NKAIN2: variants seen among roughly 807,000 people sequenced by gnomAD.
NKAIN2 encodes sodium/potassium-transporting ATPase subunit beta-1-interacting protein 2.
Under a neutral mutation model 32.6 loss-of-function variants are expected in NKAIN2, and 14 were observed. That is an observed-to-expected ratio of 0.43 (90% confidence interval 0.28 to 0.67). NKAIN2 has a LOEUF of 0.67. NKAIN2 is among the 30% of genes least tolerant of loss of function. NKAIN2 has a pLI of 0.17. For synonymous variants in NKAIN2, 80 were observed against 87.2 expected, an observed-to-expected ratio of 0.92 and a Z score of 0.46; for missense variants, 198 against 258.3, an observed-to-expected ratio of 0.77 and a Z score of 1.60.
chr6:124,083,977 T>C (rs1489568729), intron 1 of NKAIN2, among the ~76,000 whole-genome samples: 2 of 151,908 alleles, frequency 1.3e-5, no homozygotes, highest in Non-Finnish European at 2.9e-5. Context: ...TTGATCTTGA[T>C]TGTAAGAGAA....
At chr6:123,885,122 T>TA (rs1422494128) in intron 1 of NKAIN2, among the ~76,000 whole-genome samples, 1 of 152,182 alleles carries the variant, frequency 6.6e-6, no homozygotes, top group East Asian at 1.9e-4. Flanking sequence ...TTAATATATT[T>TA]AATCATTTAG....
At chr6:124,464,623 CA>C (rs933749791) in intron 3 of NKAIN2, among the ~76,000 whole-genome samples, 6 of 151,964 alleles carry the variant, frequency 3.9e-5, no homozygotes, top group Non-Finnish European at 5.9e-5. Flanking sequence ...TGTAACAAAG[CA>C]CTTACCATTA....
intron 4 of NKAIN2, among the ~76,000 whole-genome samples, chr6:124,689,191 T>C (rs1295555130): frequency 6.6e-6 from 1 of 151,898 alleles, no homozygotes; most frequent in Non-Finnish European, 1.5e-5. Context: ...TGTAGAGCTA[T>C]GTTATTTTTG....
At chr6:124,032,737 CAATTAAAAA>C (rs1439256932) in intron 1 of NKAIN2, among the ~76,000 whole-genome samples, 2 of 151,432 alleles carry the variant, frequency 1.3e-5, no homozygotes, top group Non-Finnish European at 2.9e-5. Context: ...TATTTTTTTC[CAATTAAAAA>C]AATTAAAAAT....
chr6:124,233,308 A>G (rs1458573334), intron 1 of NKAIN2, among the ~76,000 whole-genome samples: 2 of 152,078 alleles, frequency 1.3e-5, no homozygotes, highest in Non-Finnish European at 2.9e-5. Context: ...ATTCTATCAT[A>G]ACATTTTCTG....
intron 5 of NKAIN2, among the ~76,000 whole-genome samples, chr6:124,806,254 A>C (rs1197523800): frequency 2.6e-5 from 4 of 152,188 alleles, no homozygotes; most frequent in Admixed American, 6.5e-5. Flanking sequence ...ATCGGGTTAC[A>C]CACAAAGGGA....
chr6:124,318,591 T>C (rs1797054461), intron 2 of NKAIN2, among the ~76,000 whole-genome samples: 1 of 152,060 alleles, frequency 6.6e-6, no homozygotes, highest in Non-Finnish European at 1.5e-5. Context: ...CTCTTGCCAT[T>C]TGTTTTCTTT....
chr6:124,465,278 T>C (rs619837), intron 3 of NKAIN2, among the ~76,000 whole-genome samples: 105,414 of 151,980 alleles, frequency 0.69, 36,656 homozygotes, highest in East Asian at 0.78. Context: ...GTGGCACATA[T>C]ACACCATGGA....
At chr6:124,317,735 G>A (rs772356323) in intron 2 of NKAIN2, among the ~76,000 whole-genome samples, 1 of 151,962 alleles carries the variant, frequency 6.6e-6, no homozygotes, top group Non-Finnish European at 1.5e-5. Flanking sequence ...AAATACTAGA[G>A]CAAAATATTC....
chr6:123,899,313 C>G (rs1294603686), intron 1 of NKAIN2, among the ~76,000 whole-genome samples: 1 of 152,000 alleles, frequency 6.6e-6, no homozygotes, highest in Non-Finnish European at 1.5e-5. Context: ...TCCTTCCTTC[C>G]CTCTTTTCTT....
intron 3 of NKAIN2, among the ~76,000 whole-genome samples, chr6:124,439,629 G>GTT (rs149607757): frequency 1.4e-5 from 2 of 144,250 alleles, no homozygotes; most frequent in African/African-American, 2.5e-5. Flanking sequence ...ATTTGTTTCC[G>GTT]TTTTTTTTTT....
intron 1 of NKAIN2, among the ~76,000 whole-genome samples, chr6:123,988,069 C>T (rs1041251564): frequency 2.0e-5 from 3 of 152,102 alleles, no homozygotes; most frequent in Non-Finnish European, 4.4e-5. Context: ...GTTTTATATG[C>T]ATTTCTTTTC....
In NKAIN2 at chr6:123,810,686, T is replaced by A. The variant is rs527768592; in HGVS notation, c.54+6432T>A. Among the ~76,000 whole-genome samples the A allele has an allele frequency of 5.9e-5, 9 of 152,272 alleles. No individual in the cohort carries two copies. In the East Asian group the frequency reaches 1.4e-3, roughly 23 times the overall value. On this transcript the variant is annotated intron_variant, in intron 1 of 6. Coordinates refer to ENST00000368417, the MANE Select transcript of NKAIN2 (RefSeq NM_001040214.3). ...ATCCAGCTCTTTTTAAAACCACTCC[T>A]TGATGAATGGCCAGTGCACAGTATT... is the stretch of plus-strand genomic sequence containing the variant.
intron 1 of NKAIN2, among the ~76,000 whole-genome samples, chr6:124,129,639 CG>C (rs748659523): frequency 6.6e-6 from 1 of 151,458 alleles, no homozygotes; most frequent in Non-Finnish European, 1.5e-5. Context: ...TTTTTTGAGA[CG>C]AAGTTTCCCT....
intron 1 of NKAIN2, among the ~76,000 whole-genome samples, chr6:123,913,720 A>G (rs533539948): frequency 6.6e-6 from 1 of 152,198 alleles, no homozygotes; most frequent in African/African-American, 2.4e-5. Flanking sequence ...CTTTTACCTA[A>G]TTACCAGATT....
intron 3 of NKAIN2, among the ~76,000 whole-genome samples, chr6:124,643,391 G>A (rs1165494633): frequency 6.6e-6 from 1 of 152,084 alleles, no homozygotes; most frequent in African/African-American, 2.4e-5. Flanking sequence ...CCCTGGCTGT[G>A]GGTCTATCTA....
At chr6:124,115,978 T>G (rs1785590954) in intron 1 of NKAIN2, among the ~76,000 whole-genome samples, 1 of 151,980 alleles carries the variant, frequency 6.6e-6, no homozygotes, top group Admixed American at 6.5e-5. Flanking sequence ...AACACATACT[T>G]TTTACTAAAT....
At chr6:124,192,282 A>G (rs930557866) in intron 1 of NKAIN2, among the ~76,000 whole-genome samples, 10 of 152,026 alleles carry the variant, frequency 6.6e-5, no homozygotes, top group African/African-American at 1.9e-4. Context: ...ACTATTTTTG[A>G]TATGTGTGTT....
intron 2 of NKAIN2, among the ~76,000 whole-genome samples, chr6:124,330,097 A>T (rs1797595240): frequency 1.3e-5 from 2 of 152,280 alleles, no homozygotes; most frequent in South Asian, 4.1e-4. Flanking sequence ...TTAGTTATTC[A>T]GCTGTGGCTA....
Sources: allele counts gnomAD v4.1 joint callset (sites outside exome capture counted in the v4.1 genomes callset), GRCh38; gene constraint gnomAD v4.1.1; transcripts MANE v1.5; gene names NCBI Gene and HGNC (gene_info 2026-07-23, HGNC 2026-07-21).